TRAK1: variants seen among roughly 807,000 people sequenced by gnomAD.
TRAK1 encodes trafficking kinesin protein 1.
A neutral mutation model predicts 92.1 loss-of-function variants in TRAK1; 33 were observed. That is an observed-to-expected ratio of 0.36 (90% CI 0.27 to 0.48). The LOEUF is 0.48. Ranked by LOEUF, TRAK1 falls within the 20% of genes least tolerant of loss-of-function variation. TRAK1 has a pLI of 0.99. For synonymous variants in TRAK1, 521 were observed against 517.3 expected (o/e 1.01, Z -0.10); for missense variants, 1,123 against 1,257.9 (o/e 0.89, Z 1.62).
intron 2 of TRAK1, among the ~76,000 whole-genome samples, chr3:42,126,553 T>G (rs1710586824): frequency 6.6e-6 from 1 of 152,236 alleles, no homozygotes; most frequent in South Asian, 2.1e-4. Context: ...ATTCTGGTAT[T>G]TATTCAAAAT....
intron 10 of TRAK1, among the ~76,000 whole-genome samples, chr3:42,197,678 T>C (rs1706946150): frequency 6.6e-6 from 1 of 152,256 alleles, no homozygotes; most frequent in South Asian, 2.1e-4. Flanking sequence ...TAACGTTTAA[T>C]GGCAATCTGT....
chr3:42,149,571 A>T (rs1173771174), intron 2 of TRAK1: 4 of 1,535,998 alleles, frequency 2.6e-6, no homozygotes, highest in African/African-American at 1.4e-5. Flanking sequence ...ATTATGAACT[A>T]GACTGGTATT....
chr3:42,096,344 C>G (rs1705907817), intron 1 of TRAK1, among the ~76,000 whole-genome samples: 1 of 152,082 alleles, frequency 6.6e-6, no homozygotes. Context: ...CCTCTGCCTC[C>G]CGGGTTCAAG....
chr3:42,183,220 G>A (rs1054275066), intron 3 of TRAK1, among the ~76,000 whole-genome samples: 1 of 152,094 alleles, frequency 6.6e-6, no homozygotes, highest in African/African-American at 2.4e-5. Flanking sequence ...TACTAAAATG[G>A]TTTCTTAACC....
upstream of TRAK1, among the ~76,000 whole-genome samples, chr3:42,013,503 G>A (rs1241582881): frequency 6.6e-6 from 1 of 151,562 alleles, no homozygotes; most frequent in Non-Finnish European, 1.5e-5. The surrounding 1 kb of genome is among the most constrained non-coding windows in gnomAD (Gnocchi z 5.1). Context: ...GCGGCTCCAG[G>A]CGACTAGGAC....
At chr3:42,029,833 GC>G (rs1702052678) in intron 1 of TRAK1, among the ~76,000 whole-genome samples, 1 of 152,176 alleles carries the variant, frequency 6.6e-6, no homozygotes. Context: ...ACAGGTGTAC[GC>G]CACTGCGACT....
intron 9 of TRAK1, 62 bp downstream of exon 9, chr3:42,193,960 C>T: frequency 6.8e-7 from 1 of 1,479,372 alleles, no homozygotes; most frequent in Non-Finnish European, 9.3e-7. Context: ...ATTAGCCTTC[C>T]CGGACAGCTT....
At chr3:42,177,102 A>G (rs1170242795) in intron 3 of TRAK1, among the ~76,000 whole-genome samples, 2 of 152,240 alleles carry the variant, frequency 1.3e-5, no homozygotes, top group African/African-American at 2.4e-5. Flanking sequence ...GAATATATTA[A>G]TGGCACCAAA....
chr3:42,209,704 G>T, intron 13 of TRAK1, 63 bp from the exon 14 acceptor site: 2 of 1,512,564 alleles, frequency 1.3e-6, no homozygotes, highest in Non-Finnish European at 9.0e-7. Flanking sequence ...CCATTGTCTT[G>T]GACTTCCATC....
intron 1 of TRAK1, among the ~76,000 whole-genome samples, chr3:42,102,932 G>A (rs9830266): frequency 0.56 from 85,591 of 151,804 alleles, 24,486 homozygotes; most frequent in South Asian, 0.68. Flanking sequence ...CACATTTCTT[G>A]TGGTTACGTT....
chr3:42,062,648 G>A (rs1036428792), intron 1 of TRAK1, among the ~76,000 whole-genome samples: 2 of 152,210 alleles, frequency 1.3e-5, no homozygotes, highest in African/African-American at 4.8e-5. Context: ...GGTTGTGTCA[G>A]CGCTATCTGT....
At chr3:42,089,675 A>ACCCCCCCC (rs3073728), upstream of TRAK1, among the ~76,000 whole-genome samples, 2 of 132,844 alleles carry the variant, frequency 1.5e-5, no homozygotes, top group Non-Finnish European at 1.6e-5. Context: ...GCTTTTTGTG[A>ACCCCCCCC]CCCCCCCCCA....
intron 1 of TRAK1, among the ~76,000 whole-genome samples, chr3:42,055,135 G>C (rs1703147710): frequency 1.3e-5 from 2 of 151,876 alleles, no homozygotes; most frequent in Admixed American, 6.6e-5. Flanking sequence ...GGCCAGGCTG[G>C]CCTCAAACTC....
At chr3:42,139,812 C>T (rs1307833165) in intron 2 of TRAK1, among the ~76,000 whole-genome samples, 2 of 152,212 alleles carry the variant, frequency 1.3e-5, no homozygotes, top group South Asian at 4.1e-4. Context: ...GACAGCTCAG[C>T]TCACACTCCA....
At chr3:42,109,128 A>G (rs1450225849) in intron 1 of TRAK1, among the ~76,000 whole-genome samples, 2 of 152,168 alleles carry the variant, frequency 1.3e-5, no homozygotes, top group Non-Finnish European at 2.9e-5. Context: ...TCTGTGCTGT[A>G]GTGTATTCAT....
At position 42,209,922 on chromosome 3, in the gene TRAK1, G is replaced by A. The variant is rs908993473; in HGVS notation, c.1900G>A (p.Gly634Ser). The change falls in exon 14 of 16, where the codon GGT becomes AGT. Residue 634 changes from glycine (G) to serine (S), a missense_variant. Gly to Ser is a moderately conservative substitution (Grantham distance 56, BLOSUM62 0). This residue lies in a region of TRAK1 where 401 missense variants were observed against 438.9 expected (regional missense o/e 0.91). Transcript: ENST00000327628. ...CLNDFEEDDT[G>S]DHISLPRLAT... The stretch of plus-strand genomic sequence containing the variant: ...TAACGACTTTGAAGAAGATGACACA[G>A]GTGACCACATTTCTCTCCCACGCCT... 6.2e-7 allele frequency: 1 copy of A among 1,614,208 alleles called. No homozygotes were observed.
At position 42,210,214 on chromosome 3, in the gene TRAK1, G is replaced by A. The variant is rs202014110; in HGVS notation, c.1963+229G>A. ...CTCACCTCTGTTCCAGGCACCATCC[G>A]TAGTGGTTCTCTGTCTGTAGCTTCC... On this transcript the variant is annotated intron_variant, in intron 14 of 15. Transcript: ENST00000327628. 244 of 1,544,430 alleles carry A rather than the reference G, an allele frequency of 1.6e-4. 1 individual carries two copies. The South Asian group carries it at 1.8e-3, about 11-fold the overall frequency.
rs1703285643 is a variant in TRAK1 at position 42,176,850 on chromosome 3, C to T, written c.323C>T (p.Thr108Ile). The T allele has an allele frequency of 2.5e-6, 4 of 1,613,974 alleles. No homozygotes were observed. Among genetic ancestry groups the T allele is most frequent in the Admixed American group, 1.7e-5 (1 of 59,990 alleles). ...GAAAGAGTTGGCCAGATGACTAAGA[C>T]ATATAATGACATAGATGCTGTCACT... ...CAERVGQMTK[T>I]YNDIDAVTRL... Residue 108 changes from threonine (T) to isoleucine (I), a missense_variant, in exon 3 of 16, where the codon ACA becomes ATA. Physicochemically the swap from Thr to Ile is moderately conservative, Grantham distance 89. Transcript: ENST00000327628.
In TRAK1 at chr3:42,209,993, G is replaced by T; in HGVS notation, c.1963+8G>T. The T allele has an allele frequency of 6.2e-7, 1 of 1,614,192 alleles. No individual in the cohort carries two copies. The highest frequency in any genetic ancestry group is 8.5e-7 in the Non-Finnish European group (1 of 1,180,028). On this transcript the variant is annotated splice_region_variant and intron_variant, in intron 14 of 15. Coordinates refer to ENST00000327628, the MANE Select transcript of TRAK1 (RefSeq NM_001042646.3). ...AGCACCCAGAGACCTCAGGTGAGAGGTCCCAAGCACGTGTGACTGTCTCAG... is the reference window on the plus strand; with the variant it reads ...AGCACCCAGAGACCTCAGGTGAGAGTTCCCAAGCACGTGTGACTGTCTCAG...
Sources: gnomAD v4.1 joint callset for allele counts (sites outside exome capture counted in the v4.1 genomes callset) on GRCh38, gnomAD v4.1.1 for gene constraint, gnomAD v4.1.1 regional missense constraint, Gnocchi (gnomAD v3.1) non-coding constraint, MANE v1.5 for transcripts, NCBI Gene and HGNC (gene_info 2026-07-23, HGNC 2026-07-21) for gene names.